Variants in DMD observed in about 807,000 individuals in gnomAD.
DMD encodes mutant dystrophin.
A neutral mutation model predicts 330.1 loss-of-function variants in DMD; 63 were observed. That is an observed-to-expected ratio of 0.19 (90% CI 0.16 to 0.24). DMD has a LOEUF of 0.24. DMD is among the 10% of genes least tolerant of loss of function. DMD has a pLI of 1.00. For missense variants in DMD, 3,344 were observed against 2,684.1 expected (o/e 1.25, Z -5.43); for synonymous variants, 1,223 against 959.8 (o/e 1.27, Z -5.07).
At chrX:32,228,147 T>A (rs190923082) in intron 43 of DMD, among the ~76,000 whole-genome samples, 471 of 111,564 alleles carry the variant, frequency 4.2e-3, no homozygotes, top group African/African-American at 0.015. Context: ...AGTTAGAGAT[T>A]CATTTCTTTA....
intron 48 of DMD, among the ~76,000 whole-genome samples, chrX:31,839,312 C>T (rs1393279074): frequency 3.6e-5 from 4 of 112,033 alleles, no homozygotes; most frequent in African/African-American, 1.3e-4. Context: ...ACCTTGTTCA[C>T]TCATATCCCT....
At chrX:31,370,891 A>G in intron 60 of DMD, among the ~76,000 whole-genome samples, 1 of 112,341 alleles carries the variant, frequency 8.9e-6, no homozygotes, top group Admixed American at 9.4e-5. Flanking sequence ...AGAAATCTCT[A>G]GGGAATTATG....
intron 11 of DMD, chrX:32,641,408 G>GTATATATATATA (rs72324944): frequency 1.2e-4 from 11 of 90,507 alleles, no homozygotes; most frequent in African/African-American, 4.0e-4. Context: ...TATTTTATAC[G>GTATATATATATA]TATATATATA....
intron 52 of DMD, among the ~76,000 whole-genome samples, chrX:31,718,454 C>A (rs1186140071): frequency 9.0e-6 from 1 of 110,822 alleles, no homozygotes; most frequent in Non-Finnish European, 1.9e-5. Context: ...TGGCATCCCC[C>A]CCGCCGGCTA....
intron 52 of DMD, among the ~76,000 whole-genome samples, chrX:31,686,925 G>A (rs755259973): frequency 3.6e-5 from 4 of 111,900 alleles, no homozygotes; most frequent in African/African-American, 1.3e-4. Context: ...TCTCGTTAAG[G>A]AGAAGAGAGC....
chrX:31,946,735 A>G lies in DMD; in HGVS notation c.6615-14508T>C, dbSNP rs192986629. ...TGGTTCTCAGATCAATAGGACATAC[A>G]GCAGACTGACATAGCACTTAGGAGA... On this transcript the variant is annotated intron_variant, in intron 45 of 78. Transcript: ENST00000357033. Among the ~76,000 whole-genome samples the G allele has an allele frequency of 3.6e-5, 4 of 111,238 alleles. No individual in the cohort carries two copies. In the Admixed American group the frequency reaches 3.8e-4, roughly 11 times the overall value.
At position 32,656,125 on chromosome X, in the gene DMD, T is replaced by A. The variant is rs772511832; in HGVS notation, c.961-10973A>T. Reference sequence around the variant, plus strand: ...CTAGAAATGTCACTACAGTTCCCACTTTCCCTTGCAGTTAGATGTGGCATG... The same window carrying A: ...CTAGAAATGTCACTACAGTTCCCACATTCCCTTGCAGTTAGATGTGGCATG... On this transcript the variant is annotated intron_variant, in intron 9 of 78. Transcript: ENST00000357033. Among the ~76,000 whole-genome samples the A allele has an allele frequency of 3.6e-5, 4 of 112,225 alleles. 1 individual carries two copies. The East Asian group carries it at 1.1e-3, about 32-fold the overall frequency.
chrX:32,138,352 A>G (rs2096737199), intron 44 of DMD, among the ~76,000 whole-genome samples: 2 of 110,901 alleles, frequency 1.8e-5, no homozygotes, highest in African/African-American at 3.3e-5. Context: ...AACTCACTTA[A>G]CCCTATATTC....
chrX:32,125,603 G>T (rs1181694242), intron 44 of DMD, among the ~76,000 whole-genome samples: 1 of 111,836 alleles, frequency 8.9e-6, no homozygotes, highest in East Asian at 2.8e-4. Flanking sequence ...ACATTAGTTA[G>T]GTTAAATCAG....
At chrX:31,956,103 A>G (rs772200328) in intron 45 of DMD, among the ~76,000 whole-genome samples, 3 of 110,608 alleles carry the variant, frequency 2.7e-5, no homozygotes, top group Non-Finnish European at 5.7e-5. Context: ...CACTTCCTAC[A>G]CCTTGCAGCC....
chrX:31,220,184 T>A (rs759252786), intron 64 of DMD, among the ~76,000 whole-genome samples: 2 of 111,321 alleles, frequency 1.8e-5, no homozygotes, highest in South Asian at 7.6e-4. Context: ...TTAGAACATA[T>A]CCCCATTGTT....
chrX:31,619,252 T>A (rs1280258456), intron 55 of DMD, among the ~76,000 whole-genome samples: 1 of 111,418 alleles, frequency 9.0e-6, no homozygotes, highest in African/African-American at 3.3e-5. Flanking sequence ...AATAGATAAA[T>A]TACTTAACCT....
chrX:32,572,453 A>G (rs1327731297), intron 15 of DMD, among the ~76,000 whole-genome samples: 1 of 111,411 alleles, frequency 9.0e-6, no homozygotes, highest in Non-Finnish European at 1.9e-5. Context: ...AAGAAATCAT[A>G]AAGTAGAATA....
chrX:31,284,155 G>A (rs1412454486), intron 62 of DMD, among the ~76,000 whole-genome samples: 2 of 111,723 alleles, frequency 1.8e-5, no homozygotes, highest in Non-Finnish European at 3.8e-5. Flanking sequence ...TGTACTGAAA[G>A]TGAAAAACAG....
At chrX:32,635,330 A>G (rs978971733) in intron 11 of DMD, among the ~76,000 whole-genome samples, 12 of 110,555 alleles carry the variant, frequency 1.1e-4, no homozygotes, top group African/African-American at 3.3e-4. Flanking sequence ...CTAATTTTTC[A>G]CTCTTATGAA....
chrX:31,531,792 G>A (rs1446532958), intron 55 of DMD, among the ~76,000 whole-genome samples: 1 of 105,621 alleles, frequency 9.5e-6, no homozygotes, highest in Non-Finnish European at 1.9e-5. Context: ...GTGCTTAAAG[G>A]AGCTGATGGA....
chrX:32,119,168 A>G (rs761193215), intron 44 of DMD, among the ~76,000 whole-genome samples: 12 of 110,198 alleles, frequency 1.1e-4, no homozygotes, highest in Non-Finnish European at 1.9e-4. Context: ...TGTCTCTACT[A>G]AAAATGCAAA....
chrX:32,419,049 AGATT>A (rs1465475828), intron 29 of DMD, among the ~76,000 whole-genome samples: 9 of 106,631 alleles, frequency 8.4e-5, no homozygotes, highest in Non-Finnish European at 1.5e-4. Context: ...AAAATCTTTG[AGATT>A]GATTAGATAG....
At chrX:31,568,044 A>T (rs191865200) in intron 55 of DMD, among the ~76,000 whole-genome samples, 64 of 111,670 alleles carry the variant, frequency 5.7e-4, no homozygotes, top group African/African-American at 2.1e-3. Flanking sequence ...GGGGAAAATG[A>T]TTTAAAGGTG....
Sources: allele counts gnomAD v4.1 joint callset (sites outside exome capture counted in the v4.1 genomes callset), GRCh38; gene constraint gnomAD v4.1.1; transcripts MANE v1.5; gene names NCBI Gene and HGNC (gene_info 2026-07-23, HGNC 2026-07-21).